Variants in RPS29 observed in about 807,000 individuals in gnomAD.
The protein encoded by RPS29 is ribosomal protein S29.
For missense variants in RPS29, 60 were observed against 75.7 expected, an observed-to-expected ratio of 0.79 and a Z score of 0.77; for synonymous variants, 37 against 26.9, an observed-to-expected ratio of 1.37 and a Z score of -1.16.
intron 1 of RPS29, among the ~76,000 whole-genome samples, chr14:49,596,651 A>G (rs1192014241): frequency 6.6e-6 from 1 of 152,206 alleles, no homozygotes; most frequent in Non-Finnish European, 1.5e-5. Context: ...TTGGCAGTAT[A>G]TACCACTGTT....
At chr14:49,593,433 G>C (rs1042195685) in intron 1 of RPS29, among the ~76,000 whole-genome samples, 1 of 152,160 alleles carries the variant, frequency 6.6e-6, no homozygotes, top group Non-Finnish European at 1.5e-5. Context: ...GCCGGGCGCA[G>C]TGGCTCATGC....
chr14:49,580,608 A>C (rs1465147930), downstream of RPS29, among the ~76,000 whole-genome samples: 2 of 152,230 alleles, frequency 1.3e-5, no homozygotes, highest in Admixed American at 6.5e-5. Context: ...GCGATGGCTC[A>C]TGCCTGTAAT....
intron 1 of RPS29, chr14:49,597,767 C>T (rs907384486): frequency 2.0e-5 from 3 of 152,054 alleles, no homozygotes; most frequent in Non-Finnish European, 2.9e-5. Flanking sequence ...CCACCTCAGC[C>T]TCCCCAATAG....
chr14:49,589,998 T>C (rs943707712), upstream of RPS29, among the ~76,000 whole-genome samples: 1 of 152,056 alleles, frequency 6.6e-6, no homozygotes, highest in Non-Finnish European at 1.5e-5. Flanking sequence ...TGAATACACA[T>C]GGACCCAAAG....
At chr14:49,585,034 G>C (rs989528769) in intron 2 of RPS29, among the ~76,000 whole-genome samples, 1 of 152,002 alleles carries the variant, frequency 6.6e-6, no homozygotes, top group African/African-American at 2.4e-5. Context: ...ATGTCTTTCC[G>C]GCCCCAAACT....
intron 2 of RPS29, among the ~76,000 whole-genome samples, chr14:49,578,244 A>T (rs1244480743): frequency 6.6e-6 from 1 of 152,162 alleles, no homozygotes; most frequent in Admixed American, 6.6e-5. Context: ...AAGCAATCTA[A>T]AAATAGAATG....
chr14:49,587,069 G>A (rs1881603302), upstream of RPS29, among the ~76,000 whole-genome samples: 1 of 152,076 alleles, frequency 6.6e-6, no homozygotes, highest in African/African-American at 2.4e-5. Context: ...TAATGATCAC[G>A]AGTCAACGGT....
At chr14:49,581,883 G>A (rs1351917136), downstream of RPS29, among the ~76,000 whole-genome samples, 1 of 151,628 alleles carries the variant, frequency 6.6e-6, no homozygotes, top group Admixed American at 6.6e-5. Context: ...TATTATCCTG[G>A]CATGGTGGTG....
chr14:49,572,643 G>T (rs373103659), exon 3 of RPS29: 2 of 152,292 alleles, frequency 1.3e-5, no homozygotes. Flanking sequence ...AATCTATAAT[G>T]AAGGACACAA....
In RPS29 at chr14:49,593,692, C is replaced by CAAAAAAAAA. The variant is rs10647593; in HGVS notation, c.-133+4699_-133+4707dup. Among the ~76,000 whole-genome samples the CAAAAAAAAA allele has an allele frequency of 2.6e-3, 147 of 56,278 alleles. 18 individuals carry two copies. The highest frequency in any genetic ancestry group is 4.0e-3 in the Non-Finnish European group (127 of 31,472). 36.9% of individuals were successfully genotyped at this position (56,278 alleles called of 152,430 possible). On this transcript the variant is annotated intron_variant, in intron 1 of 3. Coordinates refer to the RPS29 transcript ENST00000556230. Reference sequence around the variant, plus strand: ...TGGGCGACAGAGCAAGACTCTGTCTCAAAAAAAAAAAAAAAAAAAAAAAAG... The same window carrying CAAAAAAAAA: ...TGGGCGACAGAGCAAGACTCTGTCTCAAAAAAAAAAAAAAAAAAAAAAAAAAAAAAAAAG...
chr14:49,577,998 C>T (rs1881232995), intron 2 of RPS29: 2 of 616,834 alleles, frequency 3.2e-6, no homozygotes, highest in African/African-American at 1.9e-5. Flanking sequence ...TCAGAGAACA[C>T]CAAAGATCAC....
At chr14:49,593,068 G>A (rs1167923425) in intron 1 of RPS29, among the ~76,000 whole-genome samples, 1 of 152,084 alleles carries the variant, frequency 6.6e-6, no homozygotes, top group Non-Finnish European at 1.5e-5. Context: ...AGGAATGAAG[G>A]AGAAATTCAG....
At chr14:49,577,270 T>C (rs1230091923) in exon 3 of RPS29, 1 of 155,170 alleles carries the variant, frequency 6.4e-6, no homozygotes, top group Non-Finnish European at 1.4e-5. Flanking sequence ...AAAATAAAAC[T>C]GTTGGGGGCA....
rs1468072954 is a variant in RPS29 at position 49,573,100 on chromosome 14, G to GA, written c.*4711dup. 7.3e-3 allele frequency: 1,068 copies of GA among 147,214 alleles called. 11 individuals are homozygous for GA. Among genetic ancestry groups the GA allele is most frequent in the African/African-American group, 0.025 (1,018 of 40,382 alleles). 9.1% of individuals were successfully genotyped at this position (147,214 alleles called of 1,614,324 possible). A position where few individuals can be genotyped will look rare whatever the true frequency, so the allele number is the denominator to read the frequency against. ...AAAAAAGAAGAAAGAAAGAAAGAAA[G>GA]AAGGAAAGAAAGAAAGAAAGAAAGA... On this transcript the variant is annotated 3_prime_UTR_variant, in exon 3 of 3. Coordinates refer to the RPS29 transcript ENST00000396020.
upstream of RPS29, chr14:49,586,589 G>C (rs1410322653): frequency 1.9e-6 from 1 of 534,308 alleles, no homozygotes; most frequent in Non-Finnish European, 3.4e-6. Flanking sequence ...CGCCGGGCGC[G>C]GTGGCGCGTG....
At chr14:49,589,780 C>G (rs1353973935), upstream of RPS29, among the ~76,000 whole-genome samples, 1 of 152,094 alleles carries the variant, frequency 6.6e-6, no homozygotes, top group Non-Finnish European at 1.5e-5. Flanking sequence ...ACTGAATCAA[C>G]CTAAATAGCA....
exon 3 of RPS29, chr14:49,571,586 G>C (rs1881056842): frequency 6.6e-6 from 1 of 152,180 alleles, no homozygotes; most frequent in Non-Finnish European, 1.5e-5. Context: ...CTGACACCCA[G>C]AGTAAGGGGT....
chr14:49,579,989 C>T (rs1395892038), downstream of RPS29, among the ~76,000 whole-genome samples: 2 of 152,190 alleles, frequency 1.3e-5, no homozygotes, highest in African/African-American at 2.4e-5. Flanking sequence ...TGGAAAAAGG[C>T]AATGTGCATA....
At chr14:49,595,894 T>A (rs1881810916) in intron 1 of RPS29, among the ~76,000 whole-genome samples, 1 of 151,688 alleles carries the variant, frequency 6.6e-6, no homozygotes, top group Admixed American at 6.6e-5. Context: ...GCACCTGTAA[T>A]CCCAGCTACT....
Sources: allele counts gnomAD v4.1 joint callset (sites outside exome capture counted in the v4.1 genomes callset), GRCh38; gene constraint gnomAD v4.1.1; transcripts MANE v1.5; gene names NCBI Gene and HGNC (gene_info 2026-07-23, HGNC 2026-07-21).